The following ADAMTS5 variants were observed in gnomAD, a reference collection of about 807,000 sequenced individuals.
ADAMTS5 encodes the protein A disintegrin and metalloproteinase with thrombospondin motifs 5.
ADAMTS5 carries 54 observed loss-of-function variants against 81.4 expected under a neutral mutation model. The observed-to-expected ratio is 0.66, with a 90% CI of 0.53 to 0.83. ADAMTS5 has a LOEUF of 0.83. Ranked by LOEUF, ADAMTS5 falls within the 40% of genes least tolerant of loss-of-function variation. The pLI is 0.00. For synonymous variants in ADAMTS5, 532 were observed against 508.8 expected (o/e 1.05, Z -0.61); for missense variants, 1,194 against 1,229.9 (o/e 0.97, Z 0.44).
In ADAMTS5 at chr21:26,944,720, A is replaced by T. The variant is rs186926012; in HGVS notation, c.1238-1173T>A. On this transcript the variant is annotated intron_variant, in intron 2 of 7. Transcript: ENST00000284987. ...GGATCTTGAATGCCAAACGCAGAAA[A>T]CTTTGGCCATTCTAGCAAAAGAGTC... Among the ~76,000 whole-genome samples the T allele has an allele frequency of 2.6e-5, 4 of 152,230 alleles. No homozygotes were observed. The East Asian group carries it at 7.7e-4, about 29-fold the overall frequency.
At chr21:26,932,260 T>A in intron 5 of ADAMTS5, 81 bp from the exon 6 acceptor site, 1 of 1,454,800 alleles carries the variant, frequency 6.9e-7, no homozygotes, top group Non-Finnish European at 9.2e-7. Context: ...TAGTTAATTT[T>A]AAGGGGAAGA....
chr21:26,938,309 C>G lies in ADAMTS5; in HGVS notation c.1406-3560G>C, dbSNP rs551908007. ...GTGCATATTGCATACATGTTTTTAC[C>G]ATTCATGTTAAACTAAATGCTTAAA... is the stretch of plus-strand genomic sequence containing the variant. On this transcript the variant is annotated intron_variant, in intron 3 of 7. Transcript: ENST00000284987. 2.4e-3 allele frequency among the ~76,000 whole-genome samples: 360 copies of G among 151,642 alleles called. 1 individual carries two copies. The highest frequency in any genetic ancestry group is 8.5e-3 in the African/African-American group (353 of 41,390).
chr21:26,951,334 T>A (rs1239921920), intron 2 of ADAMTS5, among the ~76,000 whole-genome samples: 3 of 152,106 alleles, frequency 2.0e-5, no homozygotes, highest in African/African-American at 4.8e-5. Context: ...ACATTCACAC[T>A]GTTTGCATAA....
chr21:26,924,806 T>A (rs1986777830), intron 7 of ADAMTS5, among the ~76,000 whole-genome samples, 186 bp from the exon 8 acceptor site: 3 of 152,206 alleles, frequency 2.0e-5, no homozygotes, highest in African/African-American at 7.2e-5. Flanking sequence ...AAAATTGCAA[T>A]TATACTACAG....
rs559504463 is a variant in ADAMTS5 at position 26,952,820 on chromosome 21, C to G, written c.1237+1919G>C. On this transcript the variant is annotated intron_variant, in intron 2 of 7. Transcript: ENST00000284987. The stretch of plus-strand genomic sequence containing the variant: ...CCTTTCTTATGGGACTCCTCTCACT[C>G]TGAATGATGGTGATTAATTACCAGT... 2.0e-5 allele frequency among the ~76,000 whole-genome samples: 3 copies of G among 152,292 alleles called. No homozygotes were observed. The South Asian group carries it at 6.2e-4, about 32-fold the overall frequency.
At position 26,966,206 on chromosome 21, in the gene ADAMTS5, G is replaced by A. The variant is rs754602182; in HGVS notation, c.186C>T (p.His62=). 25 of 1,597,214 alleles carry A rather than the reference G, an allele frequency of 1.6e-5. No individual in the cohort carries two copies. In the Admixed American group the frequency reaches 3.9e-4, roughly 25 times the overall value. The change falls in exon 1 of 8, where the codon CAC becomes CAT. Residue 62 remains histidine (H), a synonymous_variant. Coordinates refer to ENST00000284987, the MANE Select transcript of ADAMTS5 (RefSeq NM_007038.5). ...QERAEPPGHP[H]PLAQRRRSKG... is the part of the protein sequence containing the mutation. ...TGCTCCTGCGCCGCTGCGCCAGGGGGTGCGGGTGGCCGGGAGGCTCGGCTC... is the reference window on the plus strand; with the variant it reads ...TGCTCCTGCGCCGCTGCGCCAGGGGATGCGGGTGGCCGGGAGGCTCGGCTC...
intron 1 of ADAMTS5, among the ~76,000 whole-genome samples, chr21:26,957,355 A>G (rs1451327695): frequency 6.6e-6 from 1 of 152,178 alleles, no homozygotes; most frequent in East Asian, 1.9e-4. Context: ...GTGTATACAT[A>G]TATACACATT....
chr21:26,929,716 T>C (rs1222614880), intron 7 of ADAMTS5, among the ~76,000 whole-genome samples, 170 bp downstream of exon 7: 3 of 152,200 alleles, frequency 2.0e-5, no homozygotes, highest in African/African-American at 7.2e-5. Flanking sequence ...CAACCAGAGT[T>C]TTATTCATCT....
rs1468389790 is a variant in ADAMTS5 at position 26,951,444 on chromosome 21, C to T, written c.1237+3295G>A. ...TTCATCGCCATACTTTGACCATATA[C>T]ACATCTTCCAAATCTAGAAAGTCAC... On this transcript the variant is annotated intron_variant, in intron 2 of 7. Coordinates refer to ENST00000284987, the MANE Select transcript of ADAMTS5 (RefSeq NM_007038.5). Among the ~76,000 whole-genome samples the T allele has an allele frequency of 2.0e-5, 3 of 152,024 alleles. No individual in the cohort carries two copies. The East Asian group carries it at 5.8e-4, about 29-fold the overall frequency.
chr21:26,949,121 AT>A (rs1987269352), intron 2 of ADAMTS5, among the ~76,000 whole-genome samples: 1 of 150,708 alleles, frequency 6.6e-6, no homozygotes, highest in African/African-American at 2.4e-5. Flanking sequence ...ACTTATGAGT[AT>A]TCTAGTAATC....
intron 3 of ADAMTS5, among the ~76,000 whole-genome samples, 168 bp from the exon 4 acceptor site, chr21:26,934,917 C>T (rs1424785714): frequency 2.6e-5 from 4 of 152,092 alleles, no homozygotes; most frequent in Admixed American, 1.3e-4. Context: ...CTGGGAGCCC[C>T]CTTGGACGCA....
rs776001611 is a variant in ADAMTS5 at position 26,965,518 on chromosome 21, G to A, written c.874C>T (p.Leu292=). Residue 292 remains leucine (L), a synonymous_variant, in exon 1 of 8, where the codon CTG becomes TTG. Transcript: ENST00000284987. The stretch of plus-strand genomic sequence containing the variant: ...CTATTGGCGATGGAGGCCAGGGTCA[G>A]CAGGTAATGCTGCAGGCCCCGGCCA... ...LYGRGLQHYL[L]TLASIANRLY... 2.5e-6 allele frequency: 4 copies of A among 1,614,104 alleles called. No individual in the cohort carries two copies. Among genetic ancestry groups the A allele is most frequent in the Non-Finnish European group, 3.4e-6 (4 of 1,179,974 alleles).
In ADAMTS5 at chr21:26,960,669, C is replaced by T. The variant is rs537411369; in HGVS notation, c.1104+4619G>A. On this transcript the variant is annotated intron_variant, in intron 1 of 7. Coordinates refer to ENST00000284987, the MANE Select transcript of ADAMTS5 (RefSeq NM_007038.5). ...GTCTTGGACTTTCTGGACTCCAGAA[C>T]TGTGAGAAGACATACTTCGGTGGTT... Among the ~76,000 whole-genome samples the T allele has an allele frequency of 2.0e-5, 3 of 152,310 alleles. No homozygotes were observed. The South Asian group carries it at 6.2e-4, about 32-fold the overall frequency.
intron 2 of ADAMTS5, among the ~76,000 whole-genome samples, chr21:26,946,902 A>C (rs1234536011): frequency 3.9e-5 from 6 of 152,166 alleles, no homozygotes; most frequent in Non-Finnish European, 7.3e-5. Context: ...TTGGAGAGTC[A>C]GAGTGTTGCA....
chr21:26,935,743 A>G (rs556645838), intron 3 of ADAMTS5, among the ~76,000 whole-genome samples: 2 of 152,296 alleles, frequency 1.3e-5, no homozygotes, highest in Non-Finnish European at 2.9e-5. Flanking sequence ...CCCTCCCCGC[A>G]AAAGCTTCCC....
chr21:26,946,706 A>G (rs1987222411), intron 2 of ADAMTS5, among the ~76,000 whole-genome samples: 1 of 152,036 alleles, frequency 6.6e-6, no homozygotes, highest in Admixed American at 6.5e-5. Flanking sequence ...AGTGTGGAGA[A>G]AATGTGTACA....
Position 26,962,586 on chromosome 21 carries a change from G to A in ADAMTS5, c.1104+2702C>T, listed in dbSNP as rs532522819. On this transcript the variant is annotated intron_variant, in intron 1 of 7. Coordinates refer to ENST00000284987, the MANE Select transcript of ADAMTS5 (RefSeq NM_007038.5). ...GTAGAAAACATATCCTCGTACATTCGCTTCATGCCTAAAAAACAAGCAATT... is the reference window on the plus strand; with the variant it reads ...GTAGAAAACATATCCTCGTACATTCACTTCATGCCTAAAAAACAAGCAATT... Among the ~76,000 whole-genome samples, 4 of 152,270 alleles carry A rather than the reference G, an allele frequency of 2.6e-5. No homozygotes were observed. The South Asian group carries it at 6.2e-4, about 24-fold the overall frequency.
In ADAMTS5 at chr21:26,966,276, G is replaced by A. The variant is rs1432954389; in HGVS notation, c.116C>T (p.Ala39Val). The change falls in exon 1 of 8, where the codon GCA (alanine) becomes GTA (valine). Residue 39 changes from alanine (A) to valine (V), a missense_variant. Around this residue, in one of 2 missense-constraint regions of ADAMTS5, gnomAD observed 498 missense variants for 412.3 expected, o/e 1.21. Transcript: ENST00000284987. ...CTGCCGCCGGCGGGGCTGGGCGGCT[G>A]CTGCAGCAGTCGGAGGCTGCCCGGC... ...DKAGQPPTAA[A>V]AAQPRRRQGE... 6.4e-7 allele frequency: 1 copy of A among 1,567,550 alleles called. No individual in the cohort carries two copies. The highest frequency in any genetic ancestry group is 8.6e-7 in the Non-Finnish European group (1 of 1,161,148).
At chr21:26,940,160 C>T (rs192369476) in intron 3 of ADAMTS5, among the ~76,000 whole-genome samples, 24 of 152,186 alleles carry the variant, frequency 1.6e-4, no homozygotes, top group African/African-American at 4.6e-4. Flanking sequence ...CTTTACTCTC[C>T]GACCTCATTT....
Sources: allele counts gnomAD v4.1 joint callset (sites outside exome capture counted in the v4.1 genomes callset), GRCh38; gene constraint gnomAD v4.1.1; regional missense constraint gnomAD v4.1.1; transcripts MANE v1.5; gene names NCBI Gene and HGNC (gene_info 2026-07-23, HGNC 2026-07-21).